MMP20: variants seen among roughly 807,000 people sequenced by gnomAD.
MMP20 encodes the protein matrix metallopeptidase 20.
Under a neutral mutation model 51.8 loss-of-function variants are expected in MMP20, and 50 were observed. The ratio of observed to expected loss-of-function variants is 0.97; its 90% confidence interval spans 0.77 to 1.22. The LOEUF is 1.22. Ranked by LOEUF, MMP20 falls within the 50% of genes most tolerant of loss-of-function variation. The pLI is 0.00. For missense variants in MMP20, 663 were observed against 601.4 expected (o/e 1.10, Z -1.07); for synonymous variants, 244 against 216.2 (o/e 1.13, Z -1.13).
intron 3 of MMP20, among the ~76,000 whole-genome samples, chr11:102,610,685 G>C (rs183852752): frequency 2.0e-5 from 3 of 151,770 alleles, no homozygotes; most frequent in Admixed American, 6.5e-5. Flanking sequence ...AATAGAAGAG[G>C]AGGAGGAAGA....
chr11:102,578,997 A>T (rs779419023), intron 9 of MMP20, 42 bp downstream of exon 9: 1 of 1,397,540 alleles, frequency 7.2e-7, no homozygotes, highest in Non-Finnish European at 1.0e-6. Flanking sequence ...AAGATTTCTT[A>T]TGATAGTTTT....
At chr11:102,600,025 G>T (rs1458994213) in intron 6 of MMP20, among the ~76,000 whole-genome samples, 1 of 152,208 alleles carries the variant, frequency 6.6e-6, no homozygotes, top group Non-Finnish European at 1.5e-5. Flanking sequence ...AGGTGGTTCA[G>T]AAGAAATGAC....
At chr11:102,602,094 C>A (rs1380328662) in intron 6 of MMP20, among the ~76,000 whole-genome samples, 1 of 144,982 alleles carries the variant, frequency 6.9e-6, no homozygotes, top group African/African-American at 2.5e-5. Flanking sequence ...GGATTACAGG[C>A]GCCCACCACC....
In MMP20 at chr11:102,624,987, G is replaced by C. The variant is rs2459476; in HGVS notation, c.126+207C>G. Among the ~76,000 whole-genome samples, 112,296 of 151,774 alleles carry C rather than the reference G, an allele frequency of 0.74. 41,845 individuals carry two copies. The highest frequency in any genetic ancestry group is 0.92 in the East Asian group (4,752 of 5,180). On this transcript the variant is annotated intron_variant, in intron 1 of 9. Transcript: ENST00000260228. ...GATAGCTAGGTAGATATATCCTCAT[G>C]TATTTATTCAGTCATGTAACATGGT...
At position 102,581,605 on chromosome 11, in the gene MMP20, G is replaced by A. The variant is rs114949302; in HGVS notation, c.1248-2463C>T. Among the ~76,000 whole-genome samples the A allele has an allele frequency of 6.6e-3, 1,008 of 152,324 alleles. 17 individuals carry two copies. Among genetic ancestry groups the A allele is most frequent in the African/African-American group, 0.023 (957 of 41,568 alleles). The stretch of plus-strand genomic sequence containing the variant: ...GAAGAGAATTGAAGAATGAAAATAT[G>A]TGGTGGTTGGGAAGGCCCACTGAAT... On this transcript the variant is annotated intron_variant, in intron 8 of 9. Coordinates refer to ENST00000260228, the MANE Select transcript of MMP20 (RefSeq NM_004771.4).
chr11:102,594,520 T>A, intron 7 of MMP20, 101 bp downstream of exon 7: 1 of 1,471,634 alleles, frequency 6.8e-7, no homozygotes, highest in Non-Finnish European at 9.4e-7. Context: ...AACTGAAATG[T>A]GCTCCATGAT....
chr11:102,611,325 G>A (rs971840234), intron 3 of MMP20, among the ~76,000 whole-genome samples: 1 of 152,194 alleles, frequency 6.6e-6, no homozygotes, highest in African/African-American at 2.4e-5. Context: ...TGCTGCAGGG[G>A]GAAAGCTGCT....
chr11:102,614,047 C>T (rs1859636648), intron 2 of MMP20, among the ~76,000 whole-genome samples: 1 of 152,212 alleles, frequency 6.6e-6, no homozygotes, highest in African/African-American at 2.4e-5. Flanking sequence ...AATAGTAATA[C>T]TAGCCAATAT....
intron 7 of MMP20, among the ~76,000 whole-genome samples, 178 bp downstream of exon 7, chr11:102,594,443 T>C (rs1344524518): frequency 2.0e-5 from 3 of 152,206 alleles, no homozygotes; most frequent in Non-Finnish European, 4.4e-5. Context: ...ATCATTTCCA[T>C]TGTTACACAA....
At chr11:102,606,468 T>C (rs1859517396) in intron 6 of MMP20, 67 bp downstream of exon 6, 1 of 1,601,294 alleles carries the variant, frequency 6.2e-7, no homozygotes, top group Non-Finnish European at 8.5e-7. Context: ...CAAGGACCTG[T>C]GGGACGACGT....
At chr11:102,590,252 G>A (rs1255408829) in intron 8 of MMP20, among the ~76,000 whole-genome samples, 1 of 152,116 alleles carries the variant, frequency 6.6e-6, no homozygotes, top group African/African-American at 2.4e-5. Context: ...GAACCATTAG[G>A]GCCTGCTAGA....
At chr11:102,581,288 G>T (rs1322099341) in intron 8 of MMP20, among the ~76,000 whole-genome samples, 2 of 152,086 alleles carry the variant, frequency 1.3e-5, no homozygotes, top group African/African-American at 2.4e-5. Flanking sequence ...TGACTTGTCA[G>T]TGTAAGGTTG....
rs759072024 is a variant in MMP20 at position 102,608,920 on chromosome 11, G to A, written c.811+17C>T. The A allele has an allele frequency of 6.2e-7, 1 of 1,612,818 alleles. No individual in the cohort carries two copies. Among genetic ancestry groups the A allele is most frequent in the African/African-American group, 1.3e-5 (1 of 74,872 alleles). ...GCCAATTTCAGGGTGAGTCATCAAA[G>A]AAGGTAATAATCTTACCGTATAATG... On this transcript the variant is annotated intron_variant, in intron 5 of 9. Coordinates refer to ENST00000260228, the MANE Select transcript of MMP20 (RefSeq NM_004771.4).
rs116116887 is a variant in MMP20, at chr11:102,603,238, T to C, written c.953+3297A>G. On this transcript the variant is annotated intron_variant, in intron 6 of 9. Coordinates refer to ENST00000260228, the MANE Select transcript of MMP20 (RefSeq NM_004771.4). ...GGCTGTTGAGTGGGAGAGAAGAGAC[T>C]GGGAGCGCTTTCATAATCAGTGGCT... Among the ~76,000 whole-genome samples, 511 of 152,320 alleles carry C rather than the reference T, an allele frequency of 3.4e-3. 1 individual carries two copies. Among genetic ancestry groups the C allele is most frequent in the African/African-American group, 0.011 (474 of 41,564 alleles).
chr11:102,588,283 C>T (rs1005533612), intron 8 of MMP20, among the ~76,000 whole-genome samples: 14 of 151,950 alleles, frequency 9.2e-5, no homozygotes, highest in African/African-American at 2.9e-4. Context: ...CCTATTGTAT[C>T]TATCTACATC....
At chr11:102,596,625 C>T (rs959382133) in intron 6 of MMP20, among the ~76,000 whole-genome samples, 11 of 152,264 alleles carry the variant, frequency 7.2e-5, no homozygotes, top group Admixed American at 2.6e-4. Context: ...TTATCTAAAG[C>T]GTATGTTTTA....
At chr11:102,580,724 G>A (rs1859182591) in intron 8 of MMP20, among the ~76,000 whole-genome samples, 1 of 152,150 alleles carries the variant, frequency 6.6e-6, no homozygotes, top group Admixed American at 6.5e-5. Context: ...TACTAAGTAA[G>A]AACATTACCA....
chr11:102,620,943 C>A (rs1344140853), intron 1 of MMP20, among the ~76,000 whole-genome samples: 1 of 152,182 alleles, frequency 6.6e-6, no homozygotes, highest in Non-Finnish European at 1.5e-5. Context: ...TTCAGCAGCT[C>A]TCTCATCAGC....
chr11:102,584,391 A>C (rs1307231436), intron 8 of MMP20, among the ~76,000 whole-genome samples: 1 of 152,214 alleles, frequency 6.6e-6, no homozygotes, highest in East Asian at 1.9e-4. Context: ...GATGTTGAGC[A>C]TCTTTTCATG....
Sources: allele counts gnomAD v4.1 joint callset (sites outside exome capture counted in the v4.1 genomes callset), GRCh38; gene constraint gnomAD v4.1.1; transcripts MANE v1.5; gene names NCBI Gene and HGNC (gene_info 2026-07-23, HGNC 2026-07-21).